GULP1: variants seen among roughly 807,000 people sequenced by gnomAD.
The protein encoded by GULP1 is GULP PTB domain containing engulfment adaptor 1.
In GULP1, 19 loss-of-function variants were observed where a neutral mutation model predicts 40.9. The observed-to-expected ratio is 0.46, with a 90% confidence interval of 0.32 to 0.68. GULP1 has a LOEUF of 0.68. Among genes scored for constraint, GULP1 ranks in the 30% least tolerant of loss-of-function variants. The pLI is 0.03. For missense variants in GULP1, 312 were observed against 362.2 expected, an observed-to-expected ratio of 0.86 and a Z score of 1.12; for synonymous variants, 119 against 117.6, an observed-to-expected ratio of 1.01 and a Z score of -0.08.
chr2:188,301,302 G>A (rs1200563303), intron 1 of GULP1, among the ~76,000 whole-genome samples: 3 of 152,172 alleles, frequency 2.0e-5, no homozygotes, highest in African/African-American at 7.2e-5. Context: ...GGTATTACAG[G>A]TGTGAGCACT....
intron 9 of GULP1, among the ~76,000 whole-genome samples, chr2:188,581,045 A>T (rs1701217332): frequency 6.6e-6 from 1 of 152,122 alleles, no homozygotes; most frequent in Non-Finnish European, 1.5e-5. Flanking sequence ...TTTGGTGCAC[A>T]GTTTGGAGGA....
At chr2:188,567,196 G>A (rs1576162794) in intron 7 of GULP1, among the ~76,000 whole-genome samples, 1 of 152,150 alleles carries the variant, frequency 6.6e-6, no homozygotes, top group Non-Finnish European at 1.5e-5. Flanking sequence ...ATGTAAATTA[G>A]TTCAGTTATT....
intron 1 of GULP1, among the ~76,000 whole-genome samples, chr2:188,311,270 C>T (rs1333481881): frequency 6.6e-6 from 1 of 151,982 alleles, no homozygotes; most frequent in Admixed American, 6.6e-5. Flanking sequence ...GATCTTGGCT[C>T]ACTGCAAGCT....
intron 2 of GULP1, among the ~76,000 whole-genome samples, chr2:188,450,338 A>G (rs145776552): frequency 3.0e-3 from 453 of 152,288 alleles, no homozygotes; most frequent in African/African-American, 9.8e-3. Flanking sequence ...ATAATAAATA[A>G]CAGTTAAGTG....
chr2:188,299,069 T>G (rs929496017), intron 1 of GULP1, among the ~76,000 whole-genome samples: 6 of 152,112 alleles, frequency 3.9e-5, no homozygotes, highest in Non-Finnish European at 8.8e-5. Context: ...CTGGCTATTT[T>G]AAAGACAGCA....
At chr2:188,399,659 G>A (rs1406467183) in intron 2 of GULP1, among the ~76,000 whole-genome samples, 1 of 126,658 alleles carries the variant, frequency 7.9e-6, no homozygotes, top group African/African-American at 3.0e-5. Flanking sequence ...TTTGAGACCA[G>A]CCTGGGCAAC....
chr2:188,463,383 A>T (rs2059867019), intron 2 of GULP1, among the ~76,000 whole-genome samples: 1 of 152,136 alleles, frequency 6.6e-6, no homozygotes, highest in Non-Finnish European at 1.5e-5. Context: ...CTACTGTCAG[A>T]TGTATTGGAA....
intron 11 of GULP1, chr2:188,589,730 T>A: frequency 7.2e-7 from 1 of 1,388,256 alleles, no homozygotes; most frequent in Non-Finnish European, 9.6e-7. Context: ...ACTGCTTTCA[T>A]GGTGGGTAGC....
At chr2:188,518,980 G>A (rs2065459078) in intron 4 of GULP1, among the ~76,000 whole-genome samples, 1 of 151,980 alleles carries the variant, frequency 6.6e-6, no homozygotes, top group African/African-American at 2.4e-5. Flanking sequence ...AGTTTTATAA[G>A]TATTTTAGAT....
chr2:188,580,524 G>A (rs1409815015), intron 9 of GULP1, among the ~76,000 whole-genome samples: 3 of 143,920 alleles, frequency 2.1e-5, no homozygotes, highest in Non-Finnish European at 4.5e-5. Context: ...CTGCACTCCA[G>A]CCTGGGCGAC....
intron 1 of GULP1, among the ~76,000 whole-genome samples, chr2:188,319,255 A>G (rs2039599748): frequency 6.6e-6 from 1 of 151,008 alleles, no homozygotes; most frequent in Non-Finnish European, 1.5e-5. Context: ...CATTCTTATT[A>G]TAAAAGATTC....
intron 2 of GULP1, among the ~76,000 whole-genome samples, chr2:188,418,933 T>G (rs2054969400): frequency 6.6e-6 from 1 of 152,216 alleles, no homozygotes; most frequent in South Asian, 2.1e-4. Context: ...TTCTGTAAAT[T>G]TGAGTATTTT....
intron 2 of GULP1, among the ~76,000 whole-genome samples, chr2:188,458,363 A>C (rs903708831): frequency 1.3e-5 from 2 of 152,098 alleles, no homozygotes; most frequent in African/African-American, 4.8e-5. Flanking sequence ...GTCTTAGTCT[A>C]TCTCACCCTC....
At chr2:188,522,707 T>C in intron 4 of GULP1, 49 bp from the exon 5 acceptor site, 1 of 1,090,412 alleles carries the variant, frequency 9.2e-7, no homozygotes, top group East Asian at 2.4e-5. Flanking sequence ...CATGATGCAA[T>C]GATATATGAT....
intron 2 of GULP1, among the ~76,000 whole-genome samples, chr2:188,430,363 T>C (rs1400221455): frequency 6.6e-6 from 1 of 152,148 alleles, no homozygotes; most frequent in Non-Finnish European, 1.5e-5. Flanking sequence ...ATCAAAAAGG[T>C]AAGGAAGAGC....
intron 1 of GULP1, among the ~76,000 whole-genome samples, chr2:188,333,549 C>T (rs1486251822): frequency 6.6e-6 from 1 of 152,066 alleles, no homozygotes; most frequent in Admixed American, 6.6e-5. Context: ...CTTTTCTAAT[C>T]ACCCCAAGAA....
At chr2:188,534,796 T>C (rs1051852831) in intron 6 of GULP1, among the ~76,000 whole-genome samples, 4 of 152,080 alleles carry the variant, frequency 2.6e-5, no homozygotes, top group Non-Finnish European at 5.9e-5. Flanking sequence ...CAACCTATTA[T>C]ATAATTCTGT....
Position 188,584,345 on chromosome 2 carries a change from G to T in GULP1, c.690G>T (p.Ser230=). The T allele has an allele frequency of 1.2e-6, 2 of 1,605,668 alleles. No homozygotes were observed. The highest frequency in any genetic ancestry group is 1.7e-6 in the Non-Finnish European group (2 of 1,172,682). Residue 230 remains serine (S), a synonymous_variant, in exon 10 of 12, where the codon TCG becomes TCT. Transcript: ENST00000409830. Reference sequence around the variant, plus strand: ...TTTCTCCAATATCACACCAGTCTTCGATGCCTACTCGCAATGGCACACAGC... The same window carrying T: ...TTTCTCCAATATCACACCAGTCTTCTATGCCTACTCGCAATGGCACACAGC... The part of the protein sequence containing the change: ...IPFSPISHQS[S]MPTRNGTQPP...
intron 7 of GULP1, chr2:188,541,545 T>C (rs1393405716): frequency 1.7e-6 from 1 of 589,476 alleles, no homozygotes; most frequent in Non-Finnish European, 3.0e-6. Flanking sequence ...AACTTACATG[T>C]AAATTTCTTT....
Sources: gnomAD v4.1 joint callset for allele counts (sites outside exome capture counted in the v4.1 genomes callset) on GRCh38, gnomAD v4.1.1 for gene constraint, MANE v1.5 for transcripts, NCBI Gene and HGNC (gene_info 2026-07-23, HGNC 2026-07-21) for gene names.